The following KLF8 variants were observed in gnomAD, a reference collection of about 807,000 sequenced individuals.
KLF8 encodes KLF transcription factor 8, also known as Krueppel-like factor 8.
Under a neutral mutation model 18.2 loss-of-function variants are expected in KLF8, and 10 were observed. The ratio of observed to expected loss-of-function variants is 0.55; its 90% CI spans 0.34 to 0.93. KLF8 has a LOEUF of 0.93. Among genes scored for constraint, KLF8 ranks in the 40% least tolerant of loss-of-function variants. The pLI is 0.02. For missense variants in KLF8, 264 were observed against 277.9 expected (o/e 0.95, Z 0.36); for synonymous variants, 109 against 97.3 (o/e 1.12, Z -0.71).
At chrX:56,085,930 T>C in the KLF8 span, among the ~76,000 whole-genome samples, 1 of 112,110 alleles carries the variant, frequency 8.9e-6, no homozygotes, top group Non-Finnish European at 1.9e-5. Context: ...TCATGAGTTC[T>C]GGTCGAAGTC....
At chrX:56,149,444 G>T in the KLF8 span, among the ~76,000 whole-genome samples, 2 of 110,324 alleles carry the variant, frequency 1.8e-5, no homozygotes, top group African/African-American at 6.6e-5. Flanking sequence ...AGTGGAGGGG[G>T]GAGTGGGACA....
chrX:56,284,176 T>C, intron 5 of KLF8, 137 bp from the exon 6 acceptor site: 1 of 435,200 alleles, frequency 2.3e-6, no homozygotes, highest in Non-Finnish European at 3.8e-6. Context: ...ACTTAAAAGA[T>C]TTACAGGCAT....
chrX:56,188,004 G>A, the KLF8 span, among the ~76,000 whole-genome samples: 25 of 111,413 alleles, frequency 2.2e-4, no homozygotes, highest in African/African-American at 7.8e-4. Context: ...ATTCAACATA[G>A]TGTTGGAAGT....
At chrX:56,029,776 G>A in the KLF8 span, among the ~76,000 whole-genome samples, 1 of 111,801 alleles carries the variant, frequency 8.9e-6, no homozygotes, top group Admixed American at 9.4e-5. Context: ...GTGAGCGATT[G>A]GACTGGGCAT....
At chrX:56,203,905 CT>C in the KLF8 span, among the ~76,000 whole-genome samples, 6 of 108,938 alleles carry the variant, frequency 5.5e-5, no homozygotes, top group East Asian at 2.8e-4. Flanking sequence ...GTCTATTCAG[CT>C]TTTTTTTTAT....
Position 56,288,954 on chromosome X carries a change from C to T in KLF8, c.*4460C>T, listed in dbSNP as rs1299792317. On this transcript the variant is annotated 3_prime_UTR_variant, in exon 6 of 6. Coordinates refer to ENST00000468660, the MANE Select transcript of KLF8 (RefSeq NM_007250.5). Reference sequence around the variant, plus strand: ...TTTTTTTCCTCCCCTCCATACTGTACTCTCTGAAAGGAAATCACTATGTGC... The same window carrying T: ...TTTTTTTCCTCCCCTCCATACTGTATTCTCTGAAAGGAAATCACTATGTGC... Among the ~76,000 whole-genome samples the T allele has an allele frequency of 9.0e-6, 1 of 111,703 alleles. No homozygotes were observed. Among genetic ancestry groups the T allele is most frequent in the African/African-American group, 3.3e-5 (1 of 30,718 alleles).
At chrX:56,201,175 A>G in the KLF8 span, among the ~76,000 whole-genome samples, 1 of 112,185 alleles carries the variant, frequency 8.9e-6, no homozygotes, top group Non-Finnish European at 1.9e-5. Context: ...TCATTGCAAC[A>G]TTATTCACAA....
chrX:56,244,768 G>A (rs1230890908), intron 1 of KLF8, among the ~76,000 whole-genome samples: 2 of 112,199 alleles, frequency 1.8e-5, no homozygotes, highest in African/African-American at 6.5e-5. Context: ...AAATAAATGT[G>A]TACTGTAGTC....
chrX:56,131,667 T>C, the KLF8 span, among the ~76,000 whole-genome samples: 10 of 111,877 alleles, frequency 8.9e-5, no homozygotes, highest in East Asian at 1.4e-3. Flanking sequence ...ATGGCCTAAA[T>C]GCTCTATTAA....
At chrX:56,253,707 T>C (rs1224987512) in intron 2 of KLF8, among the ~76,000 whole-genome samples, 1 of 110,182 alleles carries the variant, frequency 9.1e-6, no homozygotes, top group African/African-American at 3.3e-5. Context: ...TGTGGTTTGA[T>C]ATAAATTTTC....
chrX:56,140,095 G>C, the KLF8 span, among the ~76,000 whole-genome samples: 1 of 112,134 alleles, frequency 8.9e-6, no homozygotes, highest in East Asian at 2.8e-4. Flanking sequence ...TTATTAAGAA[G>C]TCAAAAAATA....
chrX:56,204,218 G>T, the KLF8 span, among the ~76,000 whole-genome samples: 3 of 111,710 alleles, frequency 2.7e-5, no homozygotes, highest in Admixed American at 2.9e-4. Flanking sequence ...ATGTTTTTCA[G>T]ACTGTTCACT....
At chrX:56,000,847 A>C in the KLF8 span, among the ~76,000 whole-genome samples, 1 of 111,756 alleles carries the variant, frequency 8.9e-6, no homozygotes, top group African/African-American at 3.3e-5. Flanking sequence ...TACTTTAAAA[A>C]AAGACATTGT....
intron 5 of KLF8, among the ~76,000 whole-genome samples, chrX:56,274,047 G>T (rs1412779712): frequency 8.9e-6 from 1 of 111,879 alleles, no homozygotes; most frequent in Non-Finnish European, 1.9e-5. Context: ...CCAGCAGTGG[G>T]ATTACTGGAT....
At chrX:56,064,122 T>C in the KLF8 span, among the ~76,000 whole-genome samples, 7 of 84,389 alleles carry the variant, frequency 8.3e-5, no homozygotes, top group African/African-American at 6.0e-4. Flanking sequence ...TATGTGTGTG[T>C]ATATATATGT....
At chrX:55,955,453 G>A in the KLF8 span, among the ~76,000 whole-genome samples, 649 of 103,745 alleles carry the variant, frequency 6.3e-3, 5 homozygotes, top group African/African-American at 0.026. Flanking sequence ...ACAGGGTTTT[G>A]AGCAGAGGAG....
At chrX:56,013,380 T>A in the KLF8 span, among the ~76,000 whole-genome samples, 1 of 112,008 alleles carries the variant, frequency 8.9e-6, no homozygotes, top group African/African-American at 3.2e-5. Flanking sequence ...GGACTTGCCT[T>A]ATCTCAGATG....
At chrX:56,084,809 G>A in the KLF8 span, among the ~76,000 whole-genome samples, 1 of 111,822 alleles carries the variant, frequency 8.9e-6, no homozygotes, top group Non-Finnish European at 1.9e-5. Flanking sequence ...AAGAACACAT[G>A]AAGGAAAAAA....
At chrX:56,184,715 A>T in the KLF8 span, among the ~76,000 whole-genome samples, 35 of 111,826 alleles carry the variant, frequency 3.1e-4, no homozygotes, top group African/African-American at 1.1e-3. Flanking sequence ...TTCGTGGTTC[A>T]TGAAATTCCG....
Sources: allele counts gnomAD v4.1 joint callset (sites outside exome capture counted in the v4.1 genomes callset), GRCh38; gene constraint gnomAD v4.1.1; transcripts MANE v1.5; gene names NCBI Gene and HGNC (gene_info 2026-07-23, HGNC 2026-07-21).